Variants in ELMOD1 observed in about 807,000 individuals in gnomAD.
ELMOD1 encodes the protein ELMO domain-containing protein 1.
ELMOD1 carries 21 observed loss-of-function variants against 46.7 expected under a neutral mutation model. That is an observed-to-expected ratio of 0.45 (90% CI 0.32 to 0.65). The LOEUF (loss-of-function observed/expected upper bound fraction) is 0.65. Among genes scored for constraint, ELMOD1 ranks in the 30% least tolerant of loss-of-function variants. ELMOD1 has a pLI of 0.04. For missense variants in ELMOD1, 348 were observed against 407.8 expected, an observed-to-expected ratio of 0.85 and a Z score of 1.26; for synonymous variants, 122 against 138.2, an observed-to-expected ratio of 0.88 and a Z score of 0.82.
chr11:107,600,458 A>C (rs1865578382), intron 1 of ELMOD1: 2 of 152,230 alleles, frequency 1.3e-5, no homozygotes, highest in Admixed American at 1.3e-4. Flanking sequence ...CAGTTCTGCA[A>C]CAATATCTCT....
chr11:107,598,085 C>A (rs1865524205), intron 1 of ELMOD1, among the ~76,000 whole-genome samples: 1 of 152,104 alleles, frequency 6.6e-6, no homozygotes, highest in Non-Finnish European at 1.5e-5. Context: ...CATTCTTTTT[C>A]AACAATGCCA....
At chr11:107,646,155 T>C (rs867672468) in intron 6 of ELMOD1, among the ~76,000 whole-genome samples, 1 of 152,334 alleles carries the variant, frequency 6.6e-6, no homozygotes, top group Middle Eastern at 3.4e-3. Flanking sequence ...CATTACATAT[T>C]TATACAATTA....
intron 1 of ELMOD1, among the ~76,000 whole-genome samples, chr11:107,604,726 C>G (rs530480593): frequency 6.6e-6 from 1 of 152,318 alleles, no homozygotes; most frequent in East Asian, 1.9e-4. Flanking sequence ...AATTATAGCT[C>G]TAAAGTGTGT....
rs1181578384 is a variant in ELMOD1 at position 107,631,686 on chromosome 11, A to G, written c.290+9A>G. ...CCTGACGTAAATCCACAGTAAGAATATGTTTCTTATGTCAAAAATACAGAA... is the reference window on the plus strand; with the variant it reads ...CCTGACGTAAATCCACAGTAAGAATGTGTTTCTTATGTCAAAAATACAGAA... On this transcript the variant is annotated intron_variant, in intron 5 of 11. Coordinates refer to ENST00000265840, the MANE Select transcript of ELMOD1 (RefSeq NM_018712.4). 3 of 1,393,236 alleles carry G rather than the reference A, an allele frequency of 2.2e-6. No individual in the cohort carries two copies. The highest frequency in any genetic ancestry group is 2.9e-5 in the African/African-American group (2 of 68,990). 86.3% of individuals were successfully genotyped at this position (1,393,236 alleles called of 1,614,324 possible).
chr11:107,656,212 A>T (rs956282877), intron 11 of ELMOD1, 146 bp downstream of exon 11: 13 of 840,954 alleles, frequency 1.5e-5, no homozygotes, highest in Admixed American at 1.4e-4. Flanking sequence ...GCATGGTGAA[A>T]CCCCATCTGT....
chr11:107,595,487 T>C (rs974626144), intron 1 of ELMOD1, among the ~76,000 whole-genome samples: 15 of 152,180 alleles, frequency 9.9e-5, no homozygotes, highest in African/African-American at 3.6e-4. Context: ...AATTAGGCCA[T>C]AGGTTTTGTT....
At chr11:107,593,718 A>G (rs1038030771) in intron 1 of ELMOD1, among the ~76,000 whole-genome samples, 1 of 152,218 alleles carries the variant, frequency 6.6e-6, no homozygotes, top group Non-Finnish European at 1.5e-5. Context: ...GTTTTTACCT[A>G]TGTCCCATGT....
chr11:107,625,923 G>A (rs1256931270), intron 2 of ELMOD1, among the ~76,000 whole-genome samples: 1 of 152,120 alleles, frequency 6.6e-6, no homozygotes, highest in Non-Finnish European at 1.5e-5. Context: ...ATCTTAGGAA[G>A]CTACAGTAAC....
At chr11:107,615,900 T>C (rs887587350) in intron 1 of ELMOD1, among the ~76,000 whole-genome samples, 8 of 151,830 alleles carry the variant, frequency 5.3e-5, no homozygotes, top group Non-Finnish European at 1.0e-4. Flanking sequence ...TCATATCAGG[T>C]CAAGGTTACA....
intron 6 of ELMOD1, among the ~76,000 whole-genome samples, chr11:107,641,982 TC>T (rs1284711776): frequency 7.0e-6 from 1 of 143,562 alleles, no homozygotes; most frequent in Non-Finnish European, 1.5e-5. Context: ...TCTCACTCTG[TC>T]ACCCAGGCTG....
intron 6 of ELMOD1, among the ~76,000 whole-genome samples, chr11:107,646,137 A>G (rs907385892): frequency 6.6e-6 from 1 of 152,234 alleles, no homozygotes; most frequent in East Asian, 1.9e-4. Flanking sequence ...AAAAACTAAG[A>G]GTCTGAGCAT....
rs1389718116 is a variant in ELMOD1, at chr11:107,666,011, AAAT to A, written c.*817_*819del. 3.5e-5 allele frequency: 5 copies of A among 142,246 alleles called. No homozygotes were observed. The highest frequency in any genetic ancestry group is 1.0e-4 in the African/African-American group (4 of 39,226). 8.8% of individuals were successfully genotyped at this position (142,246 alleles called of 1,614,324 possible). A position where few individuals can be genotyped will look rare whatever the true frequency, so the allele number is the denominator to read the frequency against. ...TAAATAAATAAATAAATAAATAAAT[AAAT>A]AAAATAGTACAGACAGACACATGAT... On this transcript the variant is annotated 3_prime_UTR_variant, in exon 12 of 12. Coordinates refer to ENST00000265840, the MANE Select transcript of ELMOD1 (RefSeq NM_018712.4).
At chr11:107,623,222 A>C (rs1211058184) in intron 2 of ELMOD1, 1 of 152,122 alleles carries the variant, frequency 6.6e-6, no homozygotes, top group Non-Finnish European at 1.5e-5. Context: ...GCATTAAAAC[A>C]AACAAAAGCT....
At chr11:107,591,890 G>T (rs1156936825) in intron 1 of ELMOD1, 1 of 492,022 alleles carries the variant, frequency 2.0e-6, no homozygotes, top group Non-Finnish European at 4.2e-6. Flanking sequence ...GGACTGTGGG[G>T]TCCTCCGCGC....
chr11:107,630,741 A>AT lies in ELMOD1; in HGVS notation c.192+18dup, dbSNP rs747052545. ...TTCTAAAAGTAAGGTAAGTAAAATTATTTTTCAGCAGCTTTTTTTTCACTT... is the reference window on the plus strand; with the variant it reads ...TTCTAAAAGTAAGGTAAGTAAAATTATTTTTTCAGCAGCTTTTTTTTCACTT... On this transcript the variant is annotated intron_variant, in intron 4 of 11. Transcript: ENST00000265840. 6.3e-7 allele frequency: 1 copy of AT among 1,593,320 alleles called. No individual in the cohort carries two copies. The highest frequency in any genetic ancestry group is 1.3e-5 in the African/African-American group (1 of 74,700).
rs1022207838 is a variant in ELMOD1, at chr11:107,654,099, T to A, written c.648-73T>A. ...CTGCATATAGTTAACAGTTTTAACATAAGCATTAAAAGAGAACAAGTACCA... is the reference window on the plus strand; with the variant it reads ...CTGCATATAGTTAACAGTTTTAACAAAAGCATTAAAAGAGAACAAGTACCA... On this transcript the variant is annotated intron_variant, in intron 9 of 11. Coordinates refer to ENST00000265840, the MANE Select transcript of ELMOD1 (RefSeq NM_018712.4). 3 of 1,253,062 alleles carry A rather than the reference T, an allele frequency of 2.4e-6. No individual in the cohort carries two copies. The African/African-American group carries it at 4.5e-5, about 19-fold the overall frequency. 77.6% of individuals were successfully genotyped at this position (1,253,062 alleles called of 1,614,324 possible). A position where few individuals can be genotyped will look rare whatever the true frequency, so the allele number is the denominator to read the frequency against.
intron 1 of ELMOD1, among the ~76,000 whole-genome samples, chr11:107,604,225 A>T (rs1865650524): frequency 6.6e-6 from 1 of 152,212 alleles, no homozygotes; most frequent in Non-Finnish European, 1.5e-5. Context: ...GGATACATAC[A>T]CTGGAGGGAC....
At chr11:107,647,855 C>T (rs1457218427) in intron 7 of ELMOD1, among the ~76,000 whole-genome samples, 2 of 152,122 alleles carry the variant, frequency 1.3e-5, no homozygotes, top group African/African-American at 4.8e-5. Flanking sequence ...TGAAAATTTT[C>T]ACACATATGT....
chr11:107,663,860 T>C (rs1344055655), intron 11 of ELMOD1, among the ~76,000 whole-genome samples: 1 of 152,188 alleles, frequency 6.6e-6, no homozygotes, highest in African/African-American at 2.4e-5. Context: ...CCATTTTCAT[T>C]TATGCATGCA....
Sources: allele counts gnomAD v4.1 joint callset (sites outside exome capture counted in the v4.1 genomes callset), GRCh38; gene constraint gnomAD v4.1.1; transcripts MANE v1.5; gene names NCBI Gene and HGNC (gene_info 2026-07-23, HGNC 2026-07-21).